Variants in FBXO43 observed in about 807,000 individuals in gnomAD.
The protein encoded by FBXO43 is F-box protein 43, also known as F-box only protein 43.
Under a neutral mutation model 56.7 loss-of-function variants are expected in FBXO43, and 22 were observed. The observed-to-expected ratio is 0.39, with a 90% confidence interval of 0.28 to 0.55. The LOEUF (loss-of-function observed/expected upper bound fraction) is 0.55, where lower values mean the gene tolerates loss of function less well. FBXO43 is among the 20% of genes least tolerant of loss of function. The probability of loss-of-function intolerance (pLI) is 0.66; values close to 1 mark genes in which losing one functional copy is unlikely to be tolerated. For missense variants in FBXO43, 733 were observed against 814.9 expected (o/e 0.90, Z 1.22); for synonymous variants, 306 against 294.5 (o/e 1.04, Z -0.40).
At chr8:100,140,588 A>G (rs954956393) in intron 2 of FBXO43, 95 bp downstream of exon 2, 1 of 965,260 alleles carries the variant, frequency 1.0e-6, no homozygotes, top group African/African-American at 1.7e-5. Context: ...AGACAGAGAT[A>G]ATAAAACAAA....
intron 2 of FBXO43, 28 bp downstream of exon 2, chr8:100,140,651 GTTTT>G: frequency 6.6e-7 from 1 of 1,516,290 alleles, no homozygotes; most frequent in Non-Finnish European, 8.8e-7. Context: ...AAAAAAAGAA[GTTTT>G]ATTTCATAAA....
At chr8:100,138,382 G>A (rs988936562) in intron 2 of FBXO43, among the ~76,000 whole-genome samples, 1 of 152,084 alleles carries the variant, frequency 6.6e-6, no homozygotes, top group African/African-American at 2.4e-5. Context: ...AGTTGTCAAC[G>A]CTACTATTCT....
rs767784763 is a variant in FBXO43 at position 100,141,265 on chromosome 8, G to A, written c.989C>T (p.Thr330Met). 2.0e-5 allele frequency: 32 copies of A among 1,613,974 alleles called. No homozygotes were observed. The highest frequency in any genetic ancestry group is 6.7e-5 in the East Asian group (3 of 44,898). The change falls in exon 2 of 5, where the codon ACG becomes ATG. Residue 330 changes from threonine to methionine, a missense_variant. Transcript: ENST00000428847. Reference protein sequence around the residue: ...PSPEVRGSISTPEDSGFNSLS... With the variant: ...PSPEVRGSISMPEDSGFNSLS... ...TGAGTTAAAACCACTGTCTTCAGGC[G>A]TTGAAATACTGCCTCTCACTTCAGG... is the stretch of plus-strand genomic sequence containing the variant.
At chr8:100,136,713 T>G (rs956385736) in intron 3 of FBXO43, among the ~76,000 whole-genome samples, 1 of 152,204 alleles carries the variant, frequency 6.6e-6, no homozygotes, top group Non-Finnish European at 1.5e-5. Context: ...AACTCATCAT[T>G]CAGGTCTCAG....
chr8:100,138,159 C>G (rs1047215027), intron 2 of FBXO43, among the ~76,000 whole-genome samples: 15 of 152,140 alleles, frequency 9.9e-5, no homozygotes, highest in Admixed American at 3.9e-4. Flanking sequence ...CCACAGAGTT[C>G]CTATTTCATT....
At position 100,145,407 on chromosome 8, in the gene FBXO43, G is replaced by T; in HGVS notation, c.-272C>A. The T allele has an allele frequency of 3.2e-6, 1 of 309,286 alleles. No homozygotes were observed. Among genetic ancestry groups the T allele is most frequent in the Non-Finnish European group, 5.9e-6 (1 of 168,786 alleles). 19.2% of individuals were successfully genotyped at this position (309,286 alleles called of 1,614,324 possible). A position where few individuals can be genotyped will look rare whatever the true frequency, so the allele number is the denominator to read the frequency against. The stretch of plus-strand genomic sequence containing the variant: ...AAAAGGCAGCGTGTGCTGCAGCCTG[G>T]CACTGACTCCCCCGAGGAGCTATGG... On this transcript the variant is annotated 5_prime_UTR_variant, in exon 1 of 5. Coordinates refer to ENST00000428847, the MANE Select transcript of FBXO43 (RefSeq NM_001029860.4).
rs1167297982 is a variant in FBXO43 at position 100,141,218 on chromosome 8, C to A, written c.1036G>T (p.Asp346Tyr). 6.2e-7 allele frequency: 1 copy of A among 1,614,062 alleles called. No individual in the cohort carries two copies. Among genetic ancestry groups the A allele is most frequent in the African/African-American group, 1.3e-5 (1 of 74,938 alleles). The change falls in exon 2 of 5, where the codon GAT (aspartate) becomes TAT (tyrosine). Residue 346 changes from aspartate (D) to tyrosine (Y), a missense_variant. Coordinates refer to ENST00000428847, the MANE Select transcript of FBXO43 (RefSeq NM_001029860.4). ...FNSLSLEKSE[D>Y]SLSDQEGSFQ... ...GAACCCTCCTGGTCAGACAGGGAAT[C>A]TTCTGATTTCTCCAAGCTAAGTGAG...
chr8:100,149,185 T>C (rs1317362535), upstream of FBXO43, among the ~76,000 whole-genome samples: 1 of 152,232 alleles, frequency 6.6e-6, no homozygotes, highest in African/African-American at 2.4e-5. Flanking sequence ...TGAATTCTTG[T>C]TGAAATTCTG....
chr8:100,147,719 T>C (rs952702895), upstream of FBXO43, among the ~76,000 whole-genome samples: 4 of 152,132 alleles, frequency 2.6e-5, no homozygotes, highest in Non-Finnish European at 4.4e-5. Context: ...AGAACCAAGA[T>C]GTGACATGTT....
Position 100,134,313 on chromosome 8 carries a change from G to A in FBXO43, c.1726C>T (p.Arg576Cys), listed in dbSNP as rs376901828. 1.5e-5 allele frequency: 24 copies of A among 1,613,846 alleles called. No individual in the cohort carries two copies. The highest frequency in any genetic ancestry group is 1.8e-5 in the Non-Finnish European group (21 of 1,180,028). ...GCCTGCACAGATCTTAAAGCTGAGC[G>A]ATTTAAAAGCTGGAGCCGAGTGGCA... ...DAATRLQLLN[R>C]SALRSVQAQA... The change falls in exon 4 of 5, where the codon CGC becomes TGC. Residue 576 changes from arginine (R) to cysteine (C), a missense_variant. Coordinates refer to ENST00000428847, the MANE Select transcript of FBXO43 (RefSeq NM_001029860.4).
chr8:100,134,182 A>G lies in FBXO43; in HGVS notation c.1857T>C (p.Ser619=), dbSNP rs200012963. The G allele has an allele frequency of 2.5e-5, 40 of 1,613,822 alleles. No homozygotes were observed. In the African/African-American group the frequency reaches 3.6e-4, roughly 15 times the overall value. ...TTACCTTAACATATTCTTCCTGTTT[A>G]CTACTTAAGTGAGTAACAGAAGAGC... is the stretch of plus-strand genomic sequence containing the variant. ...LASSSVTHLS[S]KQEEYVKVAK... Residue 619 remains serine (S), a synonymous_variant, in exon 4 of 5, where the codon AGT becomes AGC. Coordinates refer to ENST00000428847, the MANE Select transcript of FBXO43 (RefSeq NM_001029860.4).
chr8:100,133,353 C>T lies in FBXO43; in HGVS notation c.*449G>A, dbSNP rs1178742194. 2 of 152,244 alleles carry T rather than the reference C, an allele frequency of 1.3e-5. No homozygotes were observed. Among genetic ancestry groups the T allele is most frequent in the Admixed American group, 1.3e-4 (2 of 15,264 alleles). 9.4% of individuals were successfully genotyped at this position (152,244 alleles called of 1,614,324 possible). On this transcript the variant is annotated 3_prime_UTR_variant, in exon 5 of 5. Transcript: ENST00000428847. ...AGAGACTGAAATTATAGAATAAATT[C>T]AATAGAACTTCTGAAAATATTTTAT...
At chr8:100,135,152 T>A (rs1814432338) in intron 3 of FBXO43, among the ~76,000 whole-genome samples, 1 of 152,160 alleles carries the variant, frequency 6.6e-6, no homozygotes, top group African/African-American at 2.4e-5. Flanking sequence ...GTTATAATAA[T>A]CTCAACACAA....
At chr8:100,147,838 T>A (rs1348934603), upstream of FBXO43, among the ~76,000 whole-genome samples, 2 of 152,288 alleles carry the variant, frequency 1.3e-5, no homozygotes, top group East Asian at 3.9e-4. Context: ...GAGGTACCTG[T>A]AGGACTGTAA....
rs1218057358 is a variant in FBXO43, at chr8:100,133,517, A to C, written c.*285T>G. On this transcript the variant is annotated 3_prime_UTR_variant, in exon 5 of 5. Coordinates refer to ENST00000428847, the MANE Select transcript of FBXO43 (RefSeq NM_001029860.4). ...CATGTCAAGAGTGATGAAATGCACAAATTTAAAATGTTACATAAAACAATA... is the reference window on the plus strand; with the variant it reads ...CATGTCAAGAGTGATGAAATGCACACATTTAAAATGTTACATAAAACAATA... 4.2e-6 allele frequency: 1 copy of C among 236,792 alleles called. No homozygotes were observed. The highest frequency in any genetic ancestry group is 5.1e-5 in the Admixed American group (1 of 19,514). The allele number at this position is 236,792 out of a possible 1,614,324, so 14.7% of individuals were successfully genotyped here. A position where few individuals can be genotyped will look rare whatever the true frequency, so the allele number is the denominator to read the frequency against.
At chr8:100,144,982 C>T in intron 1 of FBXO43, 69 bp downstream of exon 1, 1 of 1,483,370 alleles carries the variant, frequency 6.7e-7, no homozygotes, top group South Asian at 1.3e-5. Context: ...AAAGCACCTA[C>T]CACATCAGAG....
At chr8:100,147,272 AG>A (rs1325989012), upstream of FBXO43, among the ~76,000 whole-genome samples, 1 of 152,252 alleles carries the variant, frequency 6.6e-6, no homozygotes, top group African/African-American at 2.4e-5. Flanking sequence ...GCTGTAACAG[AG>A]GAACAGTAGC....
intron 3 of FBXO43, among the ~76,000 whole-genome samples, chr8:100,135,922 C>A (rs887801430): frequency 2.0e-5 from 3 of 149,186 alleles, no homozygotes; most frequent in Admixed American, 6.7e-5. Flanking sequence ...GAGACTATTT[C>A]TTTTCTTTTT....
Position 100,143,749 on chromosome 8 carries a change from C to A in FBXO43, c.85+1302G>T, listed in dbSNP as rs183402204. Among the ~76,000 whole-genome samples the A allele has an allele frequency of 2.4e-4, 37 of 152,256 alleles. No homozygotes were observed. The East Asian group carries it at 7.1e-3, about 29-fold the overall frequency. On this transcript the variant is annotated intron_variant, in intron 1 of 4. Coordinates refer to ENST00000428847, the MANE Select transcript of FBXO43 (RefSeq NM_001029860.4). ...AACACTTTTCACTCAATTTGCGTCACAGCCCTTTTATTTTTAATTTTTAAT... is the reference window on the plus strand; with the variant it reads ...AACACTTTTCACTCAATTTGCGTCAAAGCCCTTTTATTTTTAATTTTTAAT...
Sources: gnomAD v4.1 joint callset for allele counts (sites outside exome capture counted in the v4.1 genomes callset) on GRCh38, gnomAD v4.1.1 for gene constraint, MANE v1.5 for transcripts, NCBI Gene and HGNC (gene_info 2026-07-23, HGNC 2026-07-21) for gene names.